The following AHNAK variants were observed in gnomAD, a reference collection of about 807,000 sequenced individuals.
The protein encoded by AHNAK is AHNAK nucleoprotein, also known as neuroblast differentiation-associated protein AHNAK.
A neutral mutation model predicts 37.8 loss-of-function variants in AHNAK; 23 were observed. The ratio of observed to expected loss-of-function variants is 0.61; its 90% CI spans 0.44 to 0.86. The LOEUF (loss-of-function observed/expected upper bound fraction) is 0.86. AHNAK is among the 40% of genes least tolerant of loss of function. The pLI, the probability that AHNAK is intolerant of heterozygous loss-of-function variation, is 0.00. For synonymous variants in AHNAK, 2,481 were observed against 2,636.3 expected, an observed-to-expected ratio of 0.94 and a Z score of 1.80; for missense variants, 7,411 against 7,319.4, an observed-to-expected ratio of 1.01 and a Z score of -0.46.
Position 62,525,685 on chromosome 11 carries a change from C to T in AHNAK, c.8732G>A (p.Gly2911Asp), listed in dbSNP as rs764733149. 9 of 1,613,592 alleles carry T rather than the reference C, an allele frequency of 5.6e-6. No individual in the cohort carries two copies. The highest frequency in any genetic ancestry group is 6.8e-6 in the Non-Finnish European group (8 of 1,179,924). ...KFSMPGFKAEGPEVDVNLPKA... is the reference protein window; with the variant it reads ...KFSMPGFKAEDPEVDVNLPKA... ...GGGCAGGTTCACATCCACTTCAGGG[C>T]CCTCTGCTTTGAAGCCAGGCATGCT... The change falls in exon 5 of 5, where the codon GGC (glycine) becomes GAC (aspartate). Residue 2911 changes from glycine (G) to aspartate (D), a missense_variant. Transcript: ENST00000378024.
In AHNAK at chr11:62,518,206, G is replaced by C. The variant is rs375871196; in HGVS notation, c.16211C>G (p.Pro5404Arg). 2.5e-6 allele frequency: 4 copies of C among 1,614,176 alleles called. No homozygotes were observed. The change falls in exon 5 of 5, where the codon CCC becomes CGC. Residue 5404 changes from proline (P) to arginine (R), a missense_variant. Physicochemically the swap from Pro to Arg is moderately radical, Grantham distance 103. Transcript: ENST00000378024. ...GCCAAATTGGGGCAGCTTCATTTTG[G>C]GAAGTTTAATGCTGCCTTCGGATGC... ...LEASEGSIKLPKMKLPQFGIS... is the reference protein window; with the variant it reads ...LEASEGSIKLRKMKLPQFGIS...
intron 5 of AHNAK, among the ~76,000 whole-genome samples, chr11:62,462,301 A>G (rs1194769539): frequency 6.7e-6 from 1 of 148,340 alleles, no homozygotes; most frequent in African/African-American, 2.5e-5. Flanking sequence ...AGCCCTCTTT[A>G]GCACTGACAG....
intron 4 of AHNAK, among the ~76,000 whole-genome samples, chr11:62,502,894 T>C (rs1939738035): frequency 6.6e-6 from 1 of 152,158 alleles, no homozygotes; most frequent in Admixed American, 6.5e-5. Context: ...TGACAGTAGC[T>C]AAGTCAAAAG....
intron 4 of AHNAK, among the ~76,000 whole-genome samples, chr11:62,508,133 G>C (rs1035170095): frequency 6.6e-6 from 1 of 152,066 alleles, no homozygotes; most frequent in Non-Finnish European, 1.5e-5. Flanking sequence ...AACTACTTTC[G>C]ACAATGTTAA....
exon 6 of AHNAK, chr11:62,433,587 C>A (rs533243349): frequency 2.1e-6 from 1 of 476,030 alleles, no homozygotes. Flanking sequence ...GAAGGATAAT[C>A]ACCTGAGCAC....
At chr11:62,506,000 C>T (rs1197820569) in intron 4 of AHNAK, among the ~76,000 whole-genome samples, 2 of 142,316 alleles carry the variant, frequency 1.4e-5, no homozygotes, top group Non-Finnish European at 3.0e-5. Context: ...ATAGCAAGAC[C>T]CCCTGTCTCT....
chr11:62,433,825 C>T (rs576313267), exon 6 of AHNAK: 4 of 1,609,418 alleles, frequency 2.5e-6, no homozygotes, highest in Non-Finnish European at 3.4e-6. Context: ...TAGAACAATG[C>T]TCCAAAGAAC....
At chr11:62,435,357 A>G (rs73498011) in intron 5 of AHNAK, among the ~76,000 whole-genome samples, 11,429 of 152,250 alleles carry the variant, frequency 0.075, 938 homozygotes, top group African/African-American at 0.2. Flanking sequence ...AAGCCTCTTT[A>G]AGAGGCTTGG....
At chr11:62,451,206 G>T (rs1938530560) in intron 5 of AHNAK, among the ~76,000 whole-genome samples, 1 of 150,786 alleles carries the variant, frequency 6.6e-6, no homozygotes, top group Admixed American at 6.7e-5. Flanking sequence ...CAAGACTTCA[G>T]TTTAAAGAAA....
intron 4 of AHNAK, among the ~76,000 whole-genome samples, chr11:62,493,131 G>A (rs1334931837): frequency 6.7e-6 from 1 of 149,172 alleles, no homozygotes; most frequent in East Asian, 2.0e-4. Context: ...TCCTGCCTCA[G>A]CCTCCCAAGT....
chr11:62,535,152 G>T lies in AHNAK; in HGVS notation c.193C>A (p.Leu65Met). The T allele has an allele frequency of 6.2e-7, 1 of 1,612,798 alleles. No homozygotes were observed. Among genetic ancestry groups the T allele is most frequent in the Non-Finnish European group, 8.5e-7 (1 of 1,178,852 alleles). The change falls in exon 4 of 5, where the codon CTG (leucine) becomes ATG (methionine). Residue 65 changes from leucine to methionine, a missense_variant. Coordinates refer to ENST00000378024, the MANE Select transcript of AHNAK (RefSeq NM_001620.3). ...IVGATIYFDNLQSGEVTQLLN... is the reference protein window; with the variant it reads ...IVGATIYFDNMQSGEVTQLLN... The stretch of plus-strand genomic sequence containing the variant: ...AGCTGGGTCACCTCACCCGACTGCA[G>T]GTTGTCAAAGTAGATGGTGGCACCC...
Position 62,521,945 on chromosome 11 carries a change from G to T in AHNAK, c.12472C>A (p.Leu4158Ile). 1 of 1,613,014 alleles carries T rather than the reference G, an allele frequency of 6.2e-7. No individual in the cohort carries two copies. The highest frequency in any genetic ancestry group is 8.5e-7 in the Non-Finnish European group (1 of 1,179,802). ...TTGATGTCAACTTCAGGGCCCTTGA[G>T]GTCGCCTTCCACTTTGGGCAGAGAA... ...DVSLPKVEGD[L>I]KGPEVDIKGP... The change falls in exon 5 of 5, where the codon CTC (leucine) becomes ATC (isoleucine). Residue 4158 changes from leucine to isoleucine, a missense_variant. Physicochemically the swap from Leu to Ile is conservative, Grantham distance 5. Coordinates refer to ENST00000378024, the MANE Select transcript of AHNAK (RefSeq NM_001620.3).
intron 5 of AHNAK, among the ~76,000 whole-genome samples, chr11:62,448,478 T>C (rs1359061773): frequency 6.6e-6 from 1 of 151,806 alleles, no homozygotes; most frequent in Non-Finnish European, 1.5e-5. Context: ...CTTTCCAATG[T>C]GGAAATTATA....
Position 62,521,790 on chromosome 11 carries a change from A to G in AHNAK, c.12627T>C (p.Asp4209=). ...CAAGGTCAGCCTTGGGCAGGTTCAC[A>G]TCCACATCTGGGCCCTCTCCTTTGA... ...PGFKGEGPDV[D]VNLPKADLDV... is the part of the protein sequence containing the mutation. The change falls in exon 5 of 5, where the codon GAT becomes GAC. Residue 4209 remains aspartate, a synonymous_variant. Coordinates refer to ENST00000378024, the MANE Select transcript of AHNAK (RefSeq NM_001620.3). 1 of 1,613,238 alleles carries G rather than the reference A, an allele frequency of 6.2e-7. No individual in the cohort carries two copies. The highest frequency in any genetic ancestry group is 8.5e-7 in the Non-Finnish European group (1 of 1,179,862).
intron 4 of AHNAK, among the ~76,000 whole-genome samples, chr11:62,510,455 C>T (rs1395541076): frequency 6.6e-6 from 1 of 151,794 alleles, no homozygotes; most frequent in Non-Finnish European, 1.5e-5. Flanking sequence ...ATGATAACAC[C>T]TATATGAGCC....
Position 62,546,654 on chromosome 11 carries a change from C to T in AHNAK, c.-100+6G>A, listed in dbSNP as rs1941321687. The T allele has an allele frequency of 6.6e-6, 1 of 152,294 alleles. No individual in the cohort carries two copies. The highest frequency in any genetic ancestry group is 6.5e-5 in the Admixed American group (1 of 15,288). The allele number at this position is 152,294 out of a possible 1,614,324, so 9.4% of individuals were successfully genotyped here. A position where few individuals can be genotyped will look rare whatever the true frequency, so the allele number is the denominator to read the frequency against. ...GATGGCGCCACGGTGCGCCTGGCGCCCCTACCTGAGGGCTCAGCCCCAGGG... is the reference window on the plus strand; with the variant it reads ...GATGGCGCCACGGTGCGCCTGGCGCTCCTACCTGAGGGCTCAGCCCCAGGG... On this transcript the variant is annotated splice_donor_region_variant and intron_variant, in intron 1 of 4. Transcript: ENST00000378024.
At chr11:62,536,358 T>C in intron 2 of AHNAK, 111 bp downstream of exon 2, 1 of 390,036 alleles carries the variant, frequency 2.6e-6, no homozygotes, top group Non-Finnish European at 4.6e-6. Flanking sequence ...GACCCGGAGG[T>C]AGCTGGCCCT....
In AHNAK at chr11:62,530,274, C is replaced by T. The variant is rs779543993; in HGVS notation, c.4143G>A (p.Lys1381=). Residue 1381 remains lysine, a synonymous_variant, in exon 5 of 5, where the codon AAG becomes AAA. Coordinates refer to ENST00000378024, the MANE Select transcript of AHNAK (RefSeq NM_001620.3). ...ACTTGGGCATTTTCACCTTGGGCAT[C>T]TTCAGGTGCCAATCTGGGCCATGAA... ...VDVHGPDWHL[K]MPKVKMPKFS... The T allele has an allele frequency of 6.2e-7, 1 of 1,612,474 alleles. No individual in the cohort carries two copies.
Position 62,535,084 on chromosome 11 carries a change from G to T in AHNAK, c.261C>A (p.His87Gln), listed in dbSNP as rs1940899235. ...GCTCGGGAGAGCGGTCCCCCTTGCG[G>T]TGCAGCTTCAGGCCCACCGTGTGGT... ...MGHHTVGLKLHRKGDRSPEPG... is the reference protein window; with the variant it reads ...MGHHTVGLKLQRKGDRSPEPG... The change falls in exon 4 of 5, where the codon CAC (histidine) becomes CAA (glutamine). Residue 87 changes from histidine (H) to glutamine (Q), a missense_variant. Coordinates refer to ENST00000378024, the MANE Select transcript of AHNAK (RefSeq NM_001620.3). The T allele has an allele frequency of 6.2e-7, 1 of 1,614,056 alleles. No individual in the cohort carries two copies. The highest frequency in any genetic ancestry group is 8.5e-7 in the Non-Finnish European group (1 of 1,179,984).
Sources: allele counts gnomAD v4.1 joint callset (sites outside exome capture counted in the v4.1 genomes callset), GRCh38; gene constraint gnomAD v4.1.1; transcripts MANE v1.5; gene names NCBI Gene and HGNC (gene_info 2026-07-23, HGNC 2026-07-21).